The following STARD13 variants were observed in gnomAD, a reference collection of about 807,000 sequenced individuals.
The protein encoded by STARD13 is stAR-related lipid transfer protein 13.
Under a neutral mutation model 106.4 loss-of-function variants are expected in STARD13, and 62 were observed. The observed-to-expected ratio is 0.58, with a 90% CI of 0.48 to 0.72. The LOEUF is 0.72. STARD13 is among the 30% of genes least tolerant of loss of function. The probability of loss-of-function intolerance (pLI) is 0.00; values close to 1 mark genes in which losing one functional copy is unlikely to be tolerated. For missense variants in STARD13, 1,387 were observed against 1,424.0 expected (o/e 0.97, Z 0.42); for synonymous variants, 565 against 553.0 (o/e 1.02, Z -0.31).
intron 1 of STARD13, among the ~76,000 whole-genome samples, chr13:33,342,633 C>G (rs1018031313): frequency 3.3e-5 from 5 of 151,796 alleles, no homozygotes; most frequent in African/African-American, 1.2e-4. Context: ...TGGGCAAGAG[C>G]TATCTTCCCG....
At chr13:33,486,887 A>G in the STARD13 span, among the ~76,000 whole-genome samples, 1 of 152,152 alleles carries the variant, frequency 6.6e-6, no homozygotes, top group Non-Finnish European at 1.5e-5. Flanking sequence ...AGTTTCCTCC[A>G]CAATAAATTG....
At chr13:33,381,755 A>G in the STARD13 span, among the ~76,000 whole-genome samples, 2 of 152,226 alleles carry the variant, frequency 1.3e-5, no homozygotes, top group Non-Finnish European at 2.9e-5. Flanking sequence ...TAAAAAAATA[A>G]AACTAAAAAT....
the STARD13 span, among the ~76,000 whole-genome samples, chr13:33,544,193 T>A: frequency 6.6e-6 from 1 of 152,352 alleles, no homozygotes; most frequent in South Asian, 2.1e-4. Flanking sequence ...AGATGCCAGG[T>A]TTTTTTCAGT....
the STARD13 span, among the ~76,000 whole-genome samples, chr13:33,379,395 G>A: frequency 6.6e-6 from 1 of 152,070 alleles, no homozygotes; most frequent in African/African-American, 2.4e-5. Context: ...CTTTACAATG[G>A]GGGTTTTAAT....
chr13:33,163,622 AT>A, intron 3 of STARD13, among the ~76,000 whole-genome samples: 1 of 134,194 alleles, frequency 7.5e-6, no homozygotes, highest in Non-Finnish European at 1.5e-5. Flanking sequence ...ATATATATAT[AT>A]AAAACATATA....
chr13:33,556,554 T>G, the STARD13 span, among the ~76,000 whole-genome samples: 1 of 152,178 alleles, frequency 6.6e-6, no homozygotes, highest in Non-Finnish European at 1.5e-5. Flanking sequence ...AGCATTGAGA[T>G]TACAGACATA....
At chr13:33,150,183 G>A (rs79268827) in intron 3 of STARD13, among the ~76,000 whole-genome samples, 1 of 152,120 alleles carries the variant, frequency 6.6e-6, no homozygotes, top group Non-Finnish European at 1.5e-5. Flanking sequence ...GTTCATATAG[G>A]TCCAATCAGT....
the STARD13 span, among the ~76,000 whole-genome samples, chr13:33,603,967 A>T: frequency 6.6e-6 from 1 of 152,180 alleles, no homozygotes; most frequent in Non-Finnish European, 1.5e-5. Flanking sequence ...AAAGGATTAA[A>T]AGTACAAAAA....
At chr13:33,413,326 A>G in the STARD13 span, among the ~76,000 whole-genome samples, 2 of 152,244 alleles carry the variant, frequency 1.3e-5, no homozygotes, top group East Asian at 3.9e-4. Context: ...GTCTCAAATC[A>G]ATAATCTAAG....
chr13:33,349,296 C>T (rs2078047544), intron 1 of STARD13: 1 of 698,738 alleles, frequency 1.4e-6, no homozygotes, highest in African/African-American at 1.8e-5. Context: ...ATGCTTCCCC[C>T]AGTCCCCGAA....
chr13:33,467,446 T>A, the STARD13 span, among the ~76,000 whole-genome samples: 1 of 152,164 alleles, frequency 6.6e-6, no homozygotes, highest in Admixed American at 6.6e-5. Context: ...GAAGCTTTGC[T>A]CACTTGCCCA....
chr13:33,161,805 C>T (rs1311489710), intron 3 of STARD13, among the ~76,000 whole-genome samples: 1 of 152,156 alleles, frequency 6.6e-6, no homozygotes, highest in Non-Finnish European at 1.5e-5. Flanking sequence ...TCCAGTTCCA[C>T]ATGTGTGGGA....
intron 3 of STARD13, among the ~76,000 whole-genome samples, chr13:33,152,623 A>C (rs1162039237): frequency 6.6e-6 from 1 of 152,060 alleles, no homozygotes; most frequent in Non-Finnish European, 1.5e-5. Context: ...CAAGATAACC[A>C]TCGTGACCTA....
the STARD13 span, among the ~76,000 whole-genome samples, chr13:33,469,210 T>A: frequency 1.3e-5 from 2 of 152,140 alleles, no homozygotes; most frequent in African/African-American, 4.8e-5. Flanking sequence ...AAAACAAAAC[T>A]GGATTCTGCA....
the STARD13 span, among the ~76,000 whole-genome samples, chr13:33,594,110 A>G: frequency 6.6e-6 from 1 of 151,776 alleles, no homozygotes; most frequent in African/African-American, 2.4e-5. Context: ...GTTTCACCAT[A>G]TTTCCAGGAT....
At chr13:33,188,639 G>A (rs982730791) in intron 1 of STARD13, among the ~76,000 whole-genome samples, 1 of 152,164 alleles carries the variant, frequency 6.6e-6, no homozygotes, top group African/African-American at 2.4e-5. Context: ...TTTTGAAGAG[G>A]ATTCAATTTT....
intron 1 of STARD13, among the ~76,000 whole-genome samples, chr13:33,241,687 C>T (rs912478368): frequency 5.9e-5 from 9 of 152,018 alleles, no homozygotes; most frequent in South Asian, 4.2e-4. Flanking sequence ...ATTGCAGGCG[C>T]GCGCCGCCAC....
At chr13:33,555,071 A>G in the STARD13 span, among the ~76,000 whole-genome samples, 1 of 152,292 alleles carries the variant, frequency 6.6e-6, no homozygotes, top group East Asian at 1.9e-4. Context: ...GAAACTCCGC[A>G]CTAGGTCATG....
chr13:33,661,514 A>G, the STARD13 span, among the ~76,000 whole-genome samples: 1 of 152,220 alleles, frequency 6.6e-6, no homozygotes, highest in African/African-American at 2.4e-5. Context: ...GAAACTGGGT[A>G]ATTAAGAAAA....
Sources: gnomAD v4.1 joint callset for allele counts (sites outside exome capture counted in the v4.1 genomes callset) on GRCh38, gnomAD v4.1.1 for gene constraint, MANE v1.5 for transcripts, NCBI Gene and HGNC (gene_info 2026-07-23, HGNC 2026-07-21) for gene names.